Variants in GPHN observed in about 807,000 individuals in gnomAD.
The protein encoded by GPHN is gephyrin.
GPHN carries 17 observed loss-of-function variants against 95.5 expected under a neutral mutation model. The observed-to-expected ratio is 0.18, with a 90% CI of 0.12 to 0.27. The LOEUF is 0.27. Ranked by LOEUF, GPHN falls within the 10% of genes least tolerant of loss-of-function variation. The pLI is 1.00. For synonymous variants in GPHN, 320 were observed against 322.5 expected, an observed-to-expected ratio of 0.99 and a Z score of 0.08; for missense variants, 660 against 978.1, an observed-to-expected ratio of 0.67 and a Z score of 4.34.
chr14:67,148,784 T>C (rs1021509123), intron 18 of GPHN, among the ~76,000 whole-genome samples: 3 of 151,500 alleles, frequency 2.0e-5, no homozygotes, highest in African/African-American at 7.3e-5. Flanking sequence ...GCCAGGATGG[T>C]CTCGATCTCC....
chr14:66,693,290 A>C (rs904867660), intron 2 of GPHN, among the ~76,000 whole-genome samples: 22 of 152,192 alleles, frequency 1.4e-4, no homozygotes, highest in Admixed American at 1.4e-3. Flanking sequence ...GGAATATTTT[A>C]ATAACTTTTT....
intron 1 of GPHN, among the ~76,000 whole-genome samples, chr14:66,518,294 C>T (rs1400634009): frequency 2.6e-5 from 4 of 152,058 alleles, no homozygotes; most frequent in African/African-American, 7.2e-5. Flanking sequence ...GAGGTATTCT[C>T]TTACCCCAGT....
chr14:67,294,683 T>C, the GPHN span: 17 of 152,272 alleles, frequency 1.1e-4, no homozygotes, highest in African/African-American at 3.9e-4. Context: ...TAGTGCTTTT[T>C]TTTTTTTGAG....
At chr14:67,316,846 C>G in the GPHN span, 1 of 1,611,242 alleles carries the variant, frequency 6.2e-7, no homozygotes, top group Non-Finnish European at 8.5e-7. Flanking sequence ...AAGCTTTCAG[C>G]AGCAAAGGGA....
At chr14:67,003,401 AATCT>A (rs1170780159) in intron 9 of GPHN, among the ~76,000 whole-genome samples, 1 of 151,696 alleles carries the variant, frequency 6.6e-6, no homozygotes, top group East Asian at 1.9e-4. Context: ...TTAATGTAGG[AATCT>A]ATCTACTAAT....
intron 5 of GPHN, among the ~76,000 whole-genome samples, chr14:66,888,218 AAATT>A (rs1032382657): frequency 3.9e-4 from 59 of 152,328 alleles, no homozygotes; most frequent in African/African-American, 1.3e-3. Flanking sequence ...GAATTTCCCC[AAATT>A]AATGTCAGAT....
At chr14:66,610,224 T>C (rs776214377) in intron 1 of GPHN, among the ~76,000 whole-genome samples, 1 of 152,110 alleles carries the variant, frequency 6.6e-6, no homozygotes, top group Non-Finnish European at 1.5e-5. Context: ...TGTAATTTGG[T>C]CTGTCAACCA....
the GPHN span, among the ~76,000 whole-genome samples, chr14:67,694,511 CAT>C: frequency 3.5e-4 from 50 of 141,314 alleles, no homozygotes; most frequent in African/African-American, 1.2e-3. Context: ...TATATACACA[CAT>C]ATATTTTTTT....
At chr14:66,582,908 G>A (rs1004104829) in intron 1 of GPHN, among the ~76,000 whole-genome samples, 1 of 152,182 alleles carries the variant, frequency 6.6e-6, no homozygotes, top group African/African-American at 2.4e-5. Context: ...CCAGTAACGG[G>A]ATGGCTGGGT....
chr14:66,882,620 A>T (rs1293754710), intron 5 of GPHN, among the ~76,000 whole-genome samples: 1 of 151,718 alleles, frequency 6.6e-6, no homozygotes, highest in African/African-American at 2.4e-5. Flanking sequence ...AATAGTACCA[A>T]ATTTCTTGGA....
At chr14:67,360,567 T>G in the GPHN span, 9 of 201,854 alleles carry the variant, frequency 4.5e-5, no homozygotes, top group African/African-American at 2.1e-4. Flanking sequence ...TTCCCGTCCC[T>G]GCGCGGGAAG....
the GPHN span, among the ~76,000 whole-genome samples, chr14:67,492,090 C>T: frequency 4.6e-5 from 7 of 152,216 alleles, no homozygotes; most frequent in African/African-American, 7.2e-5. Context: ...CCCCCTTCCT[C>T]CTCCCCATCT....
At chr14:67,413,213 A>G in the GPHN span, among the ~76,000 whole-genome samples, 3 of 152,246 alleles carry the variant, frequency 2.0e-5, no homozygotes, top group Non-Finnish European at 4.4e-5. Context: ...AAACTCAGTC[A>G]AATAGTACTG....
intron 19 of GPHN, among the ~76,000 whole-genome samples, chr14:67,160,511 A>G (rs952772289): frequency 2.6e-5 from 4 of 152,258 alleles, no homozygotes; most frequent in East Asian, 1.9e-4. Flanking sequence ...TAAATCCTCA[A>G]AGGTTGCCAA....
At chr14:67,243,865 A>G in the GPHN span, among the ~76,000 whole-genome samples, 4 of 152,176 alleles carry the variant, frequency 2.6e-5, no homozygotes, top group Admixed American at 6.5e-5. Flanking sequence ...TAGTGGTTAT[A>G]TAGTCTAACC....
At chr14:67,403,944 T>A in the GPHN span, among the ~76,000 whole-genome samples, 1 of 152,056 alleles carries the variant, frequency 6.6e-6, no homozygotes, top group Non-Finnish European at 1.5e-5. Context: ...CTCAGCCAAC[T>A]CAAGAGGCTG....
chr14:67,053,395 C>T (rs972338840), intron 10 of GPHN, among the ~76,000 whole-genome samples: 2 of 151,882 alleles, frequency 1.3e-5, no homozygotes, highest in African/African-American at 2.4e-5. Flanking sequence ...ACACACACAC[C>T]CTCGCAAGAC....
the GPHN span, chr14:67,651,330 C>T: frequency 6.2e-7 from 1 of 1,611,398 alleles, no homozygotes; most frequent in Non-Finnish European, 8.5e-7. Flanking sequence ...ACATCCCTAA[C>T]ATCATGCATT....
chr14:67,397,877 G>A, the GPHN span: 3 of 1,490,824 alleles, frequency 2.0e-6, no homozygotes, highest in African/African-American at 2.8e-5. Context: ...GGGAGGGTAT[G>A]GTGTTCAGGG....
Sources: allele counts gnomAD v4.1 joint callset (sites outside exome capture counted in the v4.1 genomes callset), GRCh38; gene constraint gnomAD v4.1.1; transcripts MANE v1.5; gene names NCBI Gene and HGNC (gene_info 2026-07-23, HGNC 2026-07-21).